PIP4K2A: variants seen among roughly 807,000 people sequenced by gnomAD.
The protein encoded by PIP4K2A is phosphatidylinositol 5-phosphate 4-kinase type-2 alpha.
A neutral mutation model predicts 42.9 loss-of-function variants in PIP4K2A; 14 were observed. The ratio of observed to expected loss-of-function variants is 0.33; its 90% CI spans 0.22 to 0.51. The LOEUF is 0.51. Among genes scored for constraint, PIP4K2A ranks in the 20% least tolerant of loss-of-function variants. The pLI is 0.97. For missense variants in PIP4K2A, 434 were observed against 519.8 expected, an observed-to-expected ratio of 0.83 and a Z score of 1.61; for synonymous variants, 192 against 192.2, an observed-to-expected ratio of 1.00 and a Z score of 0.01.
chr10:22,613,091 A>C (rs1838093577), intron 1 of PIP4K2A, among the ~76,000 whole-genome samples: 1 of 152,150 alleles, frequency 6.6e-6, no homozygotes, highest in Admixed American at 6.5e-5. Context: ...AATGGGAGTG[A>C]AGGGAAAAGG....
intron 1 of PIP4K2A, among the ~76,000 whole-genome samples, chr10:22,639,388 A>G (rs116740523): frequency 0.012 from 1,881 of 151,438 alleles, 39 homozygotes; most frequent in African/African-American, 0.044. Context: ...TAACATTTTG[A>G]TTAACTTAGA....
intron 1 of PIP4K2A, among the ~76,000 whole-genome samples, chr10:22,615,548 C>A (rs980498826): frequency 2.6e-5 from 4 of 152,162 alleles, no homozygotes; most frequent in Non-Finnish European, 5.9e-5. Context: ...GAATCATACA[C>A]CCTTTATAGG....
intron 1 of PIP4K2A, among the ~76,000 whole-genome samples, chr10:22,685,702 CAGATACTGTCTCAGAAAAAAAG>C (rs1325735405): frequency 6.6e-6 from 1 of 151,868 alleles, no homozygotes; most frequent in Non-Finnish European, 1.5e-5. Context: ...GCCTGGGTGA[CAGATACTGTCTCAGAAAAAAAG>C]AGACAACAGA....
At chr10:22,558,535 T>C (rs1836609178) in intron 6 of PIP4K2A, among the ~76,000 whole-genome samples, 1 of 152,196 alleles carries the variant, frequency 6.6e-6, no homozygotes, top group African/African-American at 2.4e-5. Flanking sequence ...TGGATACGGA[T>C]AAAGTTCATA....
At chr10:22,668,424 T>A (rs1324395947) in intron 1 of PIP4K2A, among the ~76,000 whole-genome samples, 2 of 152,152 alleles carry the variant, frequency 1.3e-5, no homozygotes, top group South Asian at 2.1e-4. Flanking sequence ...CAGTGTTTTT[T>A]TTGTTTGTTT....
chr10:22,692,733 C>G (rs906885426), intron 1 of PIP4K2A, among the ~76,000 whole-genome samples: 5 of 152,182 alleles, frequency 3.3e-5, no homozygotes, highest in African/African-American at 4.8e-5. Flanking sequence ...TCATACAAGA[C>G]CACAAGTGAG....
chr10:22,703,422 A>C (rs186218761), intron 1 of PIP4K2A, among the ~76,000 whole-genome samples: 186 of 152,308 alleles, frequency 1.2e-3, no homozygotes, highest in African/African-American at 4.4e-3. Flanking sequence ...TAAAAAAATA[A>C]ATAAATAAAA....
intron 1 of PIP4K2A, among the ~76,000 whole-genome samples, chr10:22,668,038 G>A (rs960882882): frequency 5.9e-5 from 9 of 151,924 alleles, no homozygotes; most frequent in Non-Finnish European, 1.3e-4. Context: ...TGCAACCTCC[G>A]CCTCCCAGGT....
intron 1 of PIP4K2A, among the ~76,000 whole-genome samples, chr10:22,693,547 T>C (rs16922601): frequency 0.089 from 13,580 of 152,202 alleles, 1,603 homozygotes; most frequent in African/African-American, 0.27. Flanking sequence ...AAACTAAAGA[T>C]GATTTCAAGG....
At chr10:22,567,919 CGCATGGGAG>C (rs1836888123) in intron 5 of PIP4K2A, 30 bp from the exon 6 acceptor site, 1 of 1,602,870 alleles carries the variant, frequency 6.2e-7, no homozygotes, top group African/African-American at 1.3e-5. Flanking sequence ...TAAAAACATG[CGCATGGGAG>C]GCATTGGGTT....
chr10:22,543,250 C>T (rs190130155), intron 7 of PIP4K2A, among the ~76,000 whole-genome samples: 90 of 152,322 alleles, frequency 5.9e-4, no homozygotes, highest in Admixed American at 2.2e-3. Context: ...CACTCTCCAG[C>T]TGGTTCCTGG....
intron 4 of PIP4K2A, among the ~76,000 whole-genome samples, chr10:22,582,014 G>A (rs1478314834): frequency 1.3e-5 from 2 of 152,064 alleles, no homozygotes; most frequent in South Asian, 2.1e-4. Context: ...TACTTGGGAG[G>A]CTGAGGCAGT....
intron 1 of PIP4K2A, among the ~76,000 whole-genome samples, chr10:22,670,911 G>A (rs2130859092): frequency 6.6e-6 from 1 of 152,276 alleles, no homozygotes. Flanking sequence ...AGTCACAGCT[G>A]CAGTGAGCAC....
intron 4 of PIP4K2A, among the ~76,000 whole-genome samples, chr10:22,586,727 C>T (rs1837404426): frequency 6.6e-6 from 1 of 152,086 alleles, no homozygotes; most frequent in South Asian, 2.1e-4. Flanking sequence ...GATGAGGTTT[C>T]ACCATGTTGG....
intron 1 of PIP4K2A, among the ~76,000 whole-genome samples, chr10:22,661,252 T>A (rs1039339067): frequency 1.3e-5 from 2 of 151,980 alleles, no homozygotes; most frequent in Non-Finnish European, 2.9e-5. Flanking sequence ...TCAGATGGAG[T>A]TTTCTCATGA....
At chr10:22,563,920 AC>A (rs1836771534) in intron 6 of PIP4K2A, among the ~76,000 whole-genome samples, 1 of 152,030 alleles carries the variant, frequency 6.6e-6, no homozygotes, top group Non-Finnish European at 1.5e-5. Context: ...CTCTAAGCCT[AC>A]CCCCTAGGGA....
chr10:22,611,094 A>C (rs576423901), intron 1 of PIP4K2A, among the ~76,000 whole-genome samples: 1 of 152,372 alleles, frequency 6.6e-6, no homozygotes, highest in Admixed American at 6.5e-5. Context: ...GCACGTTATA[A>C]ATCTGTAGAT....
chr10:22,562,177 G>GA (rs1836723884), intron 6 of PIP4K2A, among the ~76,000 whole-genome samples: 2 of 152,160 alleles, frequency 1.3e-5, no homozygotes, highest in Admixed American at 6.5e-5. Flanking sequence ...ATCATGGAAA[G>GA]AAAACCCAAA....
intron 1 of PIP4K2A, among the ~76,000 whole-genome samples, chr10:22,671,109 T>C (rs1050308886): frequency 8.5e-5 from 13 of 152,162 alleles, no homozygotes; most frequent in African/African-American, 3.1e-4. Flanking sequence ...AGCGAACATA[T>C]ATTATATACA....
Sources: allele counts gnomAD v4.1 joint callset (sites outside exome capture counted in the v4.1 genomes callset), GRCh38; gene constraint gnomAD v4.1.1; transcripts MANE v1.5; gene names NCBI Gene and HGNC (gene_info 2026-07-23, HGNC 2026-07-21).